Variants in CACHD1 observed in about 807,000 individuals in gnomAD.
The protein encoded by CACHD1 is cache domain containing 1.
In CACHD1, 71 loss-of-function variants were observed where a neutral mutation model predicts 138.7. The observed-to-expected ratio is 0.51, with a 90% CI of 0.42 to 0.62. The LOEUF is 0.62. Ranked by LOEUF, CACHD1 falls within the 20% of genes least tolerant of loss-of-function variation. CACHD1 has a pLI of 0.00. For synonymous variants in CACHD1, 578 were observed against 591.5 expected, an observed-to-expected ratio of 0.98 and a Z score of 0.33; for missense variants, 1,389 against 1,625.3, an observed-to-expected ratio of 0.85 and a Z score of 2.50.
chr1:64,550,319 C>T (rs541354719), intron 1 of CACHD1, among the ~76,000 whole-genome samples: 2 of 152,222 alleles, frequency 1.3e-5, no homozygotes, highest in East Asian at 3.9e-4. Context: ...GATAAAATGG[C>T]ATGGACTCCA....
At chr1:64,487,192 C>A (rs907379846) in intron 1 of CACHD1, among the ~76,000 whole-genome samples, 1 of 152,130 alleles carries the variant, frequency 6.6e-6, no homozygotes, top group African/African-American at 2.4e-5. Context: ...AGGGAGTTGG[C>A]TTTTGCTTAG....
intron 2 of CACHD1, among the ~76,000 whole-genome samples, chr1:64,581,682 G>A (rs769076373): frequency 6.6e-6 from 1 of 152,202 alleles, no homozygotes; most frequent in Non-Finnish European, 1.5e-5. Context: ...CTGGGACTGT[G>A]TAGCAGGAGA....
intron 12 of CACHD1, among the ~76,000 whole-genome samples, chr1:64,655,615 C>T (rs1649237056): frequency 6.6e-6 from 1 of 152,198 alleles, no homozygotes; most frequent in African/African-American, 2.4e-5. Flanking sequence ...CTTGTGGCAC[C>T]CATTTCTGCT....
At chr1:64,666,287 C>G in intron 16 of CACHD1, 120 bp downstream of exon 16, 1 of 548,348 alleles carries the variant, frequency 1.8e-6, no homozygotes, top group Non-Finnish European at 3.2e-6. Flanking sequence ...TAAAGTGAGG[C>G]CAGCTGGGAT....
intron 20 of CACHD1, 88 bp from the exon 21 acceptor site, chr1:64,675,809 G>T (rs977818401): frequency 2.3e-6 from 2 of 861,642 alleles, no homozygotes; most frequent in African/African-American, 3.4e-5. Context: ...AACTAGCTCA[G>T]AGCTTCATTA....
chr1:64,594,253 T>TAAAA (rs5774710), intron 3 of CACHD1, among the ~76,000 whole-genome samples: 1 of 138,008 alleles, frequency 7.2e-6, no homozygotes, highest in African/African-American at 2.7e-5. Context: ...AAACTTTGTC[T>TAAAA]AAAAAAAAAA....
At chr1:64,561,603 A>G (rs2100484726) in intron 2 of CACHD1, among the ~76,000 whole-genome samples, 1 of 152,264 alleles carries the variant, frequency 6.6e-6, no homozygotes, top group African/African-American at 2.4e-5. Flanking sequence ...TCGTAATCCC[A>G]GCACTTTGAG....
chr1:64,675,581 T>C lies in CACHD1; in HGVS notation c.2888+20T>C. ...TCACCGGTAAAAATGCAATGGGTCA[T>C]ATTCTGTGTTCACCACACTGTTTAA... On this transcript the variant is annotated intron_variant, in intron 20 of 26. Transcript: ENST00000651257. The C allele has an allele frequency of 6.3e-7, 1 of 1,596,776 alleles. No individual in the cohort carries two copies. The highest frequency in any genetic ancestry group is 8.6e-7 in the Non-Finnish European group (1 of 1,165,598).
At chr1:64,507,126 G>A (rs949585582) in intron 1 of CACHD1, among the ~76,000 whole-genome samples, 8 of 152,236 alleles carry the variant, frequency 5.3e-5, no homozygotes, top group African/African-American at 1.9e-4. Flanking sequence ...CACACATCAT[G>A]CTTTGAAGGT....
chr1:64,516,173 A>G (rs1398928038), intron 1 of CACHD1, among the ~76,000 whole-genome samples: 1 of 152,208 alleles, frequency 6.6e-6, no homozygotes, highest in Non-Finnish European at 1.5e-5. Context: ...TTCTTCAGCA[A>G]TGCAGTCCTA....
chr1:64,645,465 A>G (rs931875161), intron 8 of CACHD1, among the ~76,000 whole-genome samples: 7 of 152,150 alleles, frequency 4.6e-5, no homozygotes, highest in African/African-American at 1.7e-4. Flanking sequence ...TACACCTGCT[A>G]TGTACCCATA....
intron 12 of CACHD1, among the ~76,000 whole-genome samples, chr1:64,655,574 CA>C (rs1312241939): frequency 6.6e-6 from 1 of 152,126 alleles, no homozygotes; most frequent in East Asian, 1.9e-4. Context: ...TATTCATGTT[CA>C]ACACAAGCAG....
At chr1:64,498,129 A>T (rs1646315810) in intron 1 of CACHD1, among the ~76,000 whole-genome samples, 1 of 152,182 alleles carries the variant, frequency 6.6e-6, no homozygotes, top group African/African-American at 2.4e-5. Flanking sequence ...TCTGTTCCTA[A>T]AACAAAACAA....
At chr1:64,522,587 ATG>A in intron 1 of CACHD1, among the ~76,000 whole-genome samples, 1 of 152,192 alleles carries the variant, frequency 6.6e-6, no homozygotes, top group Non-Finnish European at 1.5e-5. Context: ...GATTACAGGC[ATG>A]AGCCCTGGTC....
chr1:64,562,147 T>C (rs569484120), intron 2 of CACHD1, among the ~76,000 whole-genome samples: 3 of 152,250 alleles, frequency 2.0e-5, no homozygotes, highest in African/African-American at 7.2e-5. Context: ...GTTTAAATAT[T>C]GATTCTGCTT....
At chr1:64,657,187 A>G (rs1462558246) in intron 12 of CACHD1, among the ~76,000 whole-genome samples, 1 of 152,126 alleles carries the variant, frequency 6.6e-6, no homozygotes, top group Non-Finnish European at 1.5e-5. Flanking sequence ...CTTCACTTCA[A>G]AACATGGATC....
chr1:64,660,928 T>A (rs576555895), intron 13 of CACHD1, among the ~76,000 whole-genome samples: 18 of 152,256 alleles, frequency 1.2e-4, no homozygotes, highest in African/African-American at 4.3e-4. Flanking sequence ...TAGAGATTAT[T>A]CAGATAATGT....
intron 1 of CACHD1, among the ~76,000 whole-genome samples, chr1:64,511,567 G>A (rs1394069886): frequency 6.6e-6 from 1 of 152,130 alleles, no homozygotes. Context: ...ACCCTCTCCA[G>A]CTCATCTCTC....
At chr1:64,678,782 G>T (rs1040254536) in intron 23 of CACHD1, among the ~76,000 whole-genome samples, 1 of 152,162 alleles carries the variant, frequency 6.6e-6, no homozygotes. Context: ...ATCTGGGACA[G>T]CTTAGGATGA....
Sources: gnomAD v4.1 joint callset for allele counts (sites outside exome capture counted in the v4.1 genomes callset) on GRCh38, gnomAD v4.1.1 for gene constraint, MANE v1.5 for transcripts, NCBI Gene and HGNC (gene_info 2026-07-23, HGNC 2026-07-21) for gene names.